PINX1: variants seen among roughly 807,000 people sequenced by gnomAD.
PINX1 encodes PIN2/TERF1-interacting telomerase inhibitor 1.
A neutral mutation model predicts 25.4 loss-of-function variants in PINX1; 34 were observed. That is an observed-to-expected ratio of 1.34 (90% CI 1.02 to 1.78). The LOEUF (loss-of-function observed/expected upper bound fraction) is 1.78. PINX1 is among the 40% of genes most tolerant of loss of function. The pLI, the probability that PINX1 is intolerant of heterozygous loss-of-function variation, is 0.00. For missense variants in PINX1, 592 were observed against 404.9 expected, an observed-to-expected ratio of 1.46 and a Z score of -3.97; for synonymous variants, 197 against 147.7, an observed-to-expected ratio of 1.33 and a Z score of -2.42.
intron 6 of PINX1, among the ~76,000 whole-genome samples, chr8:10,767,122 T>C (rs940795393): frequency 2.0e-5 from 3 of 152,166 alleles, no homozygotes; most frequent in Admixed American, 6.5e-5. Flanking sequence ...GCTTTCATGA[T>C]GGGAGGGTGG....
intron 5 of PINX1, among the ~76,000 whole-genome samples, 166 bp downstream of exon 5, chr8:10,825,986 C>A (rs1798025295): frequency 6.6e-6 from 1 of 152,270 alleles, no homozygotes; most frequent in African/African-American, 2.4e-5. Flanking sequence ...ACAAGATCCT[C>A]AGGCACACCA....
At chr8:10,805,753 G>A (rs1185178552) in intron 6 of PINX1, among the ~76,000 whole-genome samples, 3 of 111,738 alleles carry the variant, frequency 2.7e-5, no homozygotes, top group African/African-American at 9.8e-5. Context: ...ACGGAGCACA[G>A]GAAGGGGCCA....
intron 6 of PINX1, among the ~76,000 whole-genome samples, chr8:10,790,621 T>C (rs1486897818): frequency 6.6e-6 from 1 of 152,110 alleles, no homozygotes; most frequent in African/African-American, 2.4e-5. Context: ...AAGCTGCCCC[T>C]TTCTCTTTGG....
chr8:10,770,277 G>A (rs1040635658), intron 6 of PINX1, among the ~76,000 whole-genome samples: 7 of 152,174 alleles, frequency 4.6e-5, no homozygotes, highest in Non-Finnish European at 8.8e-5. Context: ...GTTCATGGGC[G>A]TACACTGTGT....
At position 10,767,491 on chromosome 8, in the gene PINX1, G is replaced by A. The variant is rs553924017; in HGVS notation, c.472-1575C>T. ...TAAATCAACTGAGTTTTGGGAAGCAGTTTTAATTTTATCTATTACTATTCA... is the reference window on the plus strand; with the variant it reads ...TAAATCAACTGAGTTTTGGGAAGCAATTTTAATTTTATCTATTACTATTCA... On this transcript the variant is annotated intron_variant, in intron 6 of 6. Transcript: ENST00000314787. Among the ~76,000 whole-genome samples the A allele has an allele frequency of 2.6e-5, 4 of 152,240 alleles. No individual in the cohort carries two copies. The South Asian group carries it at 6.2e-4, about 24-fold the overall frequency.
In PINX1 at chr8:10,765,908, G is replaced by A; in HGVS notation, c.480C>T (p.Ala160=). 6.2e-7 allele frequency: 1 copy of A among 1,613,516 alleles called. No individual in the cohort carries two copies. Among genetic ancestry groups the A allele is most frequent in the Non-Finnish European group, 8.5e-7 (1 of 1,179,796 alleles). The change falls in exon 7 of 7, where the codon GCC becomes GCT. Residue 160 remains alanine, a synonymous_variant. Transcript: ENST00000314787. ...CGTTCTCCTCTGGAGTGGAGGGACT[G>A]GCATCGCCCTATGGTGGGCAGAAGA... ...RQSKKTPEGD[A]SPSTPEENET... is the part of the protein sequence containing the mutation.
At chr8:10,770,897 C>T (rs575508112) in intron 6 of PINX1, among the ~76,000 whole-genome samples, 12 of 152,288 alleles carry the variant, frequency 7.9e-5, no homozygotes, top group East Asian at 5.8e-4. Context: ...CATTAAGACA[C>T]GGAGGTCATG....
rs1319119054 is a variant in PINX1 at position 10,831,723 on chromosome 8, C to A, written c.243G>T (p.Gln81His). 6.3e-7 allele frequency: 1 copy of A among 1,595,954 alleles called. No individual in the cohort carries two copies. Among genetic ancestry groups the A allele is most frequent in the Non-Finnish European group, 8.6e-7 (1 of 1,168,972 alleles). Reference protein sequence around the residue: ...INNEDNWIAHQDDFNQLLAEL... With the variant: ...INNEDNWIAHHDDFNQLLAEL... Reference sequence around the variant, plus strand: ...CGGCCAGAAGCTGGTTAAAATCATCCTGATGGGCAATCCAGTTGTCCTGAA... The same window carrying A: ...CGGCCAGAAGCTGGTTAAAATCATCATGATGGGCAATCCAGTTGTCCTGAA... Residue 81 changes from glutamine (Q) to histidine (H), a missense_variant, in exon 4 of 7, where the codon CAG (glutamine) becomes CAT (histidine). Coordinates refer to ENST00000314787, the MANE Select transcript of PINX1 (RefSeq NM_017884.6).
intron 1 of PINX1, among the ~76,000 whole-genome samples, chr8:10,838,195 C>T (rs1798461811): frequency 6.6e-6 from 1 of 152,224 alleles, no homozygotes. Context: ...CTCAATCAAA[C>T]TCTGTATAAT....
chr8:10,835,092 A>T (rs979351940), intron 1 of PINX1, among the ~76,000 whole-genome samples: 2 of 152,266 alleles, frequency 1.3e-5, no homozygotes, highest in African/African-American at 4.8e-5. Flanking sequence ...CACAACTGAA[A>T]GCACCTGTGG....
Position 10,765,731 on chromosome 8 carries a change from G to T in PINX1, c.657C>A (p.Ala219=), listed in dbSNP as rs111270298. 369 of 1,613,822 alleles carry T rather than the reference G, an allele frequency of 2.3e-4. 1 individual carries two copies. The highest frequency in any genetic ancestry group is 1.5e-3 in the Middle Eastern group (9 of 6,084). Residue 219 remains alanine (A), a synonymous_variant, in exon 7 of 7, where the codon GCC becomes GCA. Transcript: ENST00000314787. The stretch of plus-strand genomic sequence containing the variant: ...GGTAACTTTCCACATCTTTACCTGT[G>T]GCCTCTTTATTTCTTTTCTTCCCCC... ...RKRGKKRNKE[A]TGKDVESYLQ...
chr8:10,769,668 C>T (rs146939318), intron 6 of PINX1, among the ~76,000 whole-genome samples: 1 of 152,320 alleles, frequency 6.6e-6, no homozygotes, highest in East Asian at 1.9e-4. Context: ...TGAGGAGAGG[C>T]GTCCTCTCCA....
chr8:10,801,911 T>C (rs144733383), intron 6 of PINX1, among the ~76,000 whole-genome samples: 2 of 152,126 alleles, frequency 1.3e-5, no homozygotes, highest in African/African-American at 4.8e-5. Flanking sequence ...TCACAGGAAG[T>C]GTCAAGGAAA....
chr8:10,805,123 C>G (rs900086655), intron 6 of PINX1, among the ~76,000 whole-genome samples: 1 of 152,208 alleles, frequency 6.6e-6, no homozygotes, highest in Non-Finnish European at 1.5e-5. Context: ...AGGCCTGTCT[C>G]TCCTGGCAGA....
Position 10,797,128 on chromosome 8 carries a change from G to A in PINX1, c.471+23065C>T, listed in dbSNP as rs553395530. On this transcript the variant is annotated intron_variant, in intron 6 of 6. Transcript: ENST00000314787. Reference sequence around the variant, plus strand: ...GCGGGTGACGGAGAGTGTTGCTGCCGTGGAGGGAGAAGGGCCTGGTTTTTC... The same window carrying A: ...GCGGGTGACGGAGAGTGTTGCTGCCATGGAGGGAGAAGGGCCTGGTTTTTC... Among the ~76,000 whole-genome samples, 6 of 152,222 alleles carry A rather than the reference G, an allele frequency of 3.9e-5. No individual in the cohort carries two copies. The South Asian group carries it at 6.2e-4, about 16-fold the overall frequency.
Position 10,794,212 on chromosome 8 carries a change from A to G in PINX1, c.471+25981T>C, listed in dbSNP as rs1023705109. 5.3e-5 allele frequency among the ~76,000 whole-genome samples: 8 copies of G among 152,214 alleles called. No homozygotes were observed. In the South Asian group the frequency reaches 6.2e-4, roughly 12 times the overall value. ...AGATGAACCAAAATATTAATGCTCA[A>G]TCACTGGTAATCTATCACGATTAAA... is the stretch of plus-strand genomic sequence containing the variant. On this transcript the variant is annotated intron_variant, in intron 6 of 6. Coordinates refer to ENST00000314787, the MANE Select transcript of PINX1 (RefSeq NM_017884.6).
intron 6 of PINX1, among the ~76,000 whole-genome samples, chr8:10,790,806 G>A (rs576729614): frequency 5.3e-4 from 81 of 152,038 alleles, no homozygotes; most frequent in African/African-American, 1.8e-3. Context: ...AACCAGCCCC[G>A]TCCCATACTT....
At chr8:10,780,554 CCAAA>C (rs759677304) in intron 6 of PINX1, among the ~76,000 whole-genome samples, 1 of 151,696 alleles carries the variant, frequency 6.6e-6, no homozygotes. Context: ...AGGATAAATC[CCAAA>C]CAAATGAAAA....
intron 6 of PINX1, among the ~76,000 whole-genome samples, chr8:10,782,499 G>A (rs1016972208): frequency 6.6e-6 from 1 of 152,104 alleles, no homozygotes; most frequent in African/African-American, 2.4e-5. Flanking sequence ...ACTTTGGGAG[G>A]CCAAGGCAGG....
Sources: allele counts gnomAD v4.1 joint callset (sites outside exome capture counted in the v4.1 genomes callset), GRCh38; gene constraint gnomAD v4.1.1; transcripts MANE v1.5; gene names NCBI Gene and HGNC (gene_info 2026-07-23, HGNC 2026-07-21).